LPA: variants seen among roughly 807,000 people sequenced by gnomAD.
LPA encodes apolipoprotein(a).
LPA carries 199 observed loss-of-function variants against 197.9 expected under a neutral mutation model. That is an observed-to-expected ratio of 1.01 (90% CI 0.90 to 1.13). The LOEUF is 1.13. Ranked by LOEUF, LPA falls within the 50% of genes most tolerant of loss-of-function variation. The pLI is 0.00. For missense variants in LPA, 1,853 were observed against 1,785.8 expected, an observed-to-expected ratio of 1.04 and a Z score of -0.68; for synonymous variants, 715 against 639.5, an observed-to-expected ratio of 1.12 and a Z score of -1.78.
At chr6:160,647,185 G>T (rs186081407) in intron 2 of LPA, among the ~76,000 whole-genome samples, 15 of 152,164 alleles carry the variant, frequency 9.9e-5, no homozygotes, top group Non-Finnish European at 1.9e-4. Context: ...TGAAAGAACA[G>T]TGGGTCCCAT....
At chr6:160,657,996 G>C (rs1409289813) in intron 1 of LPA, among the ~76,000 whole-genome samples, 1 of 152,154 alleles carries the variant, frequency 6.6e-6, no homozygotes, top group Non-Finnish European at 1.5e-5. Flanking sequence ...GGGCATTAGG[G>C]GTGCCTCTTG....
chr6:160,584,224 CTTCTTCT>C (rs1778856708), intron 26 of LPA, among the ~76,000 whole-genome samples: 2 of 110,256 alleles, frequency 1.8e-5, no homozygotes, highest in Non-Finnish European at 3.7e-5. Context: ...TCTTCTTCTT[CTTCTTCT>C]TCTTCTTCCT....
chr6:160,593,349 C>G (rs1159193682), intron 22 of LPA, among the ~76,000 whole-genome samples: 64 of 152,152 alleles, frequency 4.2e-4, no homozygotes, highest in Admixed American at 4.2e-3. Context: ...ATGGCAGAAA[C>G]GCTGACGTGG....
In LPA at chr6:160,646,844, T is replaced by G. The variant is rs535779837; in HGVS notation, c.210-449A>C. 5.9e-4 allele frequency among the ~76,000 whole-genome samples: 88 copies of G among 150,362 alleles called. 2 individuals are homozygous for G. Among genetic ancestry groups the G allele is most frequent in the African/African-American group, 2.2e-3 (87 of 40,396 alleles). On this transcript the variant is annotated intron_variant, in intron 2 of 38. Transcript: ENST00000316300. ...AGGACTTCATATTCTAATGTGGGAGTTGCAACGAACATGTAGTTCTTCAGA... is the reference window on the plus strand; with the variant it reads ...AGGACTTCATATTCTAATGTGGGAGGTGCAACGAACATGTAGTTCTTCAGA...
intron 26 of LPA, among the ~76,000 whole-genome samples, chr6:160,579,511 C>T (rs750149963): frequency 8.5e-5 from 13 of 152,204 alleles, no homozygotes; most frequent in Admixed American, 1.3e-4. Flanking sequence ...TAAAGGGAGA[C>T]GGCTAGGTAG....
intron 26 of LPA, among the ~76,000 whole-genome samples, chr6:160,580,194 TGAGACTATCA>T (rs965709213): frequency 6.6e-6 from 1 of 152,262 alleles, no homozygotes. Flanking sequence ...TTCATGCTTC[TGAGACTATCA>T]GTAACTTGTT....
chr6:160,541,080 C>A, intron 35 of LPA, 27 bp downstream of exon 35: 1 of 1,603,310 alleles, frequency 6.2e-7, no homozygotes, highest in East Asian at 2.2e-5. Context: ...AAGATAAGAC[C>A]CCATGTCAGT....
intron 35 of LPA, 73 bp from the exon 36 acceptor site, chr6:160,540,256 G>C: frequency 6.3e-7 from 1 of 1,592,058 alleles, no homozygotes. Context: ...CATGAACTTG[G>C]CGCTGTCCCT....
intron 1 of LPA, among the ~76,000 whole-genome samples, chr6:160,651,414 T>C (rs41269870): frequency 0.02 from 3,028 of 152,232 alleles, 78 homozygotes; most frequent in Middle Eastern, 0.19. Flanking sequence ...AAGCAAAAGA[T>C]AGCAGCAACC....
intron 31 of LPA, among the ~76,000 whole-genome samples, 172 bp downstream of exon 31, chr6:160,548,306 C>G (rs1015548728): frequency 9.2e-5 from 14 of 152,184 alleles, no homozygotes; most frequent in Non-Finnish European, 1.5e-5. Flanking sequence ...CTCTGGCTTT[C>G]CCAGGGACGG....
chr6:160,574,346 A>G (rs1024662074), intron 28 of LPA, among the ~76,000 whole-genome samples: 4 of 152,148 alleles, frequency 2.6e-5, no homozygotes, highest in African/African-American at 9.7e-5. Context: ...TGTGAAAGAA[A>G]AGGGCTTTAG....
chr6:160,591,507 T>A (rs1324268501), intron 22 of LPA, among the ~76,000 whole-genome samples: 2 of 152,224 alleles, frequency 1.3e-5, no homozygotes, highest in Non-Finnish European at 2.9e-5. Flanking sequence ...TCTATAGGAG[T>A]ACCCAATCTA....
chr6:160,549,860 G>T (rs1346011120), intron 30 of LPA, among the ~76,000 whole-genome samples: 1 of 152,200 alleles, frequency 6.6e-6, no homozygotes, highest in African/African-American at 2.4e-5. Context: ...TAAAGTGAGA[G>T]GGCTGGCTAG....
chr6:160,575,049 CT>C (rs1404889569), intron 28 of LPA, among the ~76,000 whole-genome samples: 2 of 152,114 alleles, frequency 1.3e-5, no homozygotes, highest in Non-Finnish European at 2.9e-5. Context: ...TATAAACAAT[CT>C]TTTTTCCTCT....
Position 160,541,116 on chromosome 6 carries a change from C to T in LPA, c.5585G>A (p.Cys1862Tyr). The change falls in exon 35 of 39, where the codon TGC becomes TAC. Residue 1862 changes from cysteine to tyrosine, a missense_variant. Transcript: ENST00000316300. Reference sequence around the variant, plus strand: ...TTTCCCTTAAACGTACTTCTTCAAGCAGTGAGCAGCAGTCAGCACCCACTC... The same window carrying T: ...TTTCCCTTAAACGTACTTCTTCAAGTAGTGAGCAGCAGTCAGCACCCACTC... ...SPEWVLTAAHCLKKSSRPSSY... is the reference protein window; with the variant it reads ...SPEWVLTAAHYLKKSSRPSSY... 6.2e-7 allele frequency: 1 copy of T among 1,614,012 alleles called. No individual in the cohort carries two copies. The highest frequency in any genetic ancestry group is 8.5e-7 in the Non-Finnish European group (1 of 1,179,896).
At chr6:160,584,000 C>T (rs1778847788) in intron 26 of LPA, among the ~76,000 whole-genome samples, 1 of 152,074 alleles carries the variant, frequency 6.6e-6, no homozygotes, top group Admixed American at 6.5e-5. Flanking sequence ...ATTTTTTTGT[C>T]CATGTACCTG....
chr6:160,574,908 T>C (rs985650524), intron 28 of LPA, among the ~76,000 whole-genome samples: 12 of 152,194 alleles, frequency 7.9e-5, no homozygotes, highest in African/African-American at 2.9e-4. Context: ...AATCTAGTCC[T>C]GCCTCCTGTC....
intron 28 of LPA, among the ~76,000 whole-genome samples, chr6:160,569,606 A>G (rs763522308): frequency 6.6e-6 from 1 of 152,100 alleles, no homozygotes; most frequent in Non-Finnish European, 1.5e-5. Flanking sequence ...CAAAAGCAAT[A>G]GCAACAAAAG....
chr6:160,533,656 GTGGAAAATGTCAC>G (rs1296050255), intron 37 of LPA, among the ~76,000 whole-genome samples: 1 of 152,208 alleles, frequency 6.6e-6, no homozygotes, highest in African/African-American at 2.4e-5. Context: ...GGGTGTGACA[GTGGAAAATGTCAC>G]TGGAAAACAA....
Sources: gnomAD v4.1 joint callset for allele counts (sites outside exome capture counted in the v4.1 genomes callset) on GRCh38, gnomAD v4.1.1 for gene constraint, MANE v1.5 for transcripts, NCBI Gene and HGNC (gene_info 2026-07-23, HGNC 2026-07-21) for gene names.